The following SNX30 variants were observed in gnomAD, a reference collection of about 807,000 sequenced individuals.
SNX30 encodes the protein sorting nexin family member 30, also known as sorting nexin-30.
In SNX30, 24 loss-of-function variants were observed where a neutral mutation model predicts 46.4. The ratio of observed to expected loss-of-function variants is 0.52; its 90% confidence interval spans 0.37 to 0.73. SNX30 has a LOEUF of 0.73. Ranked by LOEUF, SNX30 falls within the 30% of genes least tolerant of loss-of-function variation. The probability of loss-of-function intolerance (pLI) is 0.00; values close to 1 mark genes in which losing one functional copy is unlikely to be tolerated. For synonymous variants in SNX30, 189 were observed against 211.5 expected (o/e 0.89, Z 0.92); for missense variants, 533 against 555.7 (o/e 0.96, Z 0.41).
chr9:112,883,877 A>G (rs1841613546), downstream of SNX30, among the ~76,000 whole-genome samples: 1 of 151,736 alleles, frequency 6.6e-6, no homozygotes, highest in Non-Finnish European at 1.5e-5. Context: ...TTTGTATTTT[A>G]TTGGAGACAT....
chr9:112,762,252 G>T (rs1839449614), intron 1 of SNX30, among the ~76,000 whole-genome samples: 1 of 152,058 alleles, frequency 6.6e-6, no homozygotes, highest in African/African-American at 2.4e-5. Context: ...GGGGGAAGTG[G>T]GATAGTGGAA....
intron 2 of SNX30, among the ~76,000 whole-genome samples, chr9:112,815,295 C>T (rs1397209872): frequency 1.3e-5 from 2 of 150,924 alleles, no homozygotes; most frequent in East Asian, 1.9e-4. Flanking sequence ...AGAAATATTA[C>T]ATAAACTGTA....
In SNX30 at chr9:112,756,435, C is replaced by CTTT. The variant is rs61338659; in HGVS notation, c.156+5303_156+5305dup. On this transcript the variant is annotated intron_variant, in intron 1 of 8. Transcript: ENST00000374232. ...CTTGACCTCCTTATCTGTAATCATC[C>CTTT]TTTTTTTTTTTTTTTTTTTTTTTTT... is the stretch of plus-strand genomic sequence containing the variant. 2.4e-4 allele frequency among the ~76,000 whole-genome samples: 16 copies of CTTT among 67,428 alleles called. 2 individuals are homozygous for CTTT. Among genetic ancestry groups the CTTT allele is most frequent in the African/African-American group, 1.0e-3 (15 of 14,290 alleles). The allele number at this position is 67,428 out of a possible 152,430, so 44.2% of individuals were successfully genotyped here.
intron 1 of SNX30, among the ~76,000 whole-genome samples, chr9:112,757,126 C>T (rs989932375): frequency 8.5e-5 from 13 of 152,146 alleles, no homozygotes; most frequent in African/African-American, 2.9e-4. Context: ...ATTTTGTATC[C>T]GTTTACCTAC....
At chr9:112,772,255 T>C (rs1355585508) in intron 1 of SNX30, among the ~76,000 whole-genome samples, 2 of 152,138 alleles carry the variant, frequency 1.3e-5, no homozygotes, top group Non-Finnish European at 2.9e-5. Context: ...CAAGTGGAAA[T>C]GGAAGAAGTG....
chr9:112,845,801 A>G (rs892440011), intron 6 of SNX30, among the ~76,000 whole-genome samples: 1 of 152,238 alleles, frequency 6.6e-6, no homozygotes, highest in Non-Finnish European at 1.5e-5. Context: ...CTCTGTGCAG[A>G]GAGCTTTCAA....
chr9:112,759,400 C>T (rs1839403993), intron 1 of SNX30, among the ~76,000 whole-genome samples: 1 of 152,024 alleles, frequency 6.6e-6, no homozygotes, highest in African/African-American at 2.4e-5. Context: ...TGTTAACCTC[C>T]TGCTTGAAAT....
At chr9:112,868,686 G>A (rs978580260) in intron 8 of SNX30, 98 bp from the exon 9 acceptor site, 1 of 1,264,148 alleles carries the variant, frequency 7.9e-7, no homozygotes, top group Non-Finnish European at 1.2e-6. Flanking sequence ...AGGTAACCCA[G>A]CAGGATCGAC....
At chr9:112,854,731 A>T (rs1349000955) in intron 7 of SNX30, among the ~76,000 whole-genome samples, 4 of 152,186 alleles carry the variant, frequency 2.6e-5, no homozygotes, top group Non-Finnish European at 5.9e-5. Flanking sequence ...TGCAGTTGGC[A>T]GCCTGTCCAA....
At chr9:112,835,854 A>G (rs1202029980) in intron 4 of SNX30, among the ~76,000 whole-genome samples, 1 of 151,976 alleles carries the variant, frequency 6.6e-6, no homozygotes, top group Non-Finnish European at 1.5e-5. Flanking sequence ...TCTGCTCTTC[A>G]GTTTTGCTTG....
chr9:112,822,310 C>G (rs968706919), intron 3 of SNX30, among the ~76,000 whole-genome samples: 1 of 152,072 alleles, frequency 6.6e-6, no homozygotes, highest in Non-Finnish European at 1.5e-5. Flanking sequence ...CTGTGTTTTT[C>G]TTCATTATGT....
intron 6 of SNX30, among the ~76,000 whole-genome samples, chr9:112,848,728 C>A (rs998797688): frequency 1.5e-4 from 23 of 152,240 alleles, no homozygotes; most frequent in African/African-American, 5.3e-4. Context: ...GAGACAGAGA[C>A]CCTGCCTCTC....
At chr9:112,864,015 T>C (rs1434757237) in intron 7 of SNX30, among the ~76,000 whole-genome samples, 1 of 152,124 alleles carries the variant, frequency 6.6e-6, no homozygotes, top group Non-Finnish European at 1.5e-5. Flanking sequence ...CGAGTCTCTG[T>C]TGTGTTTGGA....
intron 1 of SNX30, among the ~76,000 whole-genome samples, chr9:112,792,903 T>C (rs1043707976): frequency 2.0e-5 from 3 of 151,860 alleles, no homozygotes; most frequent in Non-Finnish European, 2.9e-5. Context: ...CTTTTTCTTT[T>C]AATGGGAACA....
At chr9:112,764,367 T>TGTC (rs1446697325) in intron 1 of SNX30, among the ~76,000 whole-genome samples, 3 of 152,166 alleles carry the variant, frequency 2.0e-5, no homozygotes, top group African/African-American at 4.8e-5. Flanking sequence ...ATTAAGTGTT[T>TGTC]GTCGTCGTTG....
chr9:112,849,703 T>C (rs1244546841), intron 6 of SNX30, among the ~76,000 whole-genome samples: 3 of 152,208 alleles, frequency 2.0e-5, no homozygotes, highest in Non-Finnish European at 4.4e-5. Context: ...CCCACAACAC[T>C]CTCAACTCTT....
chr9:112,835,428 C>G (rs2131454162), intron 4 of SNX30, among the ~76,000 whole-genome samples: 1 of 151,934 alleles, frequency 6.6e-6, no homozygotes, highest in African/African-American at 2.4e-5. Context: ...GCCTCAGCCT[C>G]CTGAGTAGCT....
chr9:112,787,277 G>A (rs1221436635), intron 1 of SNX30, among the ~76,000 whole-genome samples: 1 of 152,206 alleles, frequency 6.6e-6, no homozygotes, highest in African/African-American at 2.4e-5. Context: ...TGTACAGGGA[G>A]AACCTGTTCT....
intron 2 of SNX30, among the ~76,000 whole-genome samples, chr9:112,807,434 A>G (rs1840246840): frequency 6.6e-6 from 1 of 152,170 alleles, no homozygotes; most frequent in Admixed American, 6.5e-5. Flanking sequence ...GTGCACATGC[A>G]TAGTCTTACC....
Sources: gnomAD v4.1 joint callset for allele counts (sites outside exome capture counted in the v4.1 genomes callset) on GRCh38, gnomAD v4.1.1 for gene constraint, MANE v1.5 for transcripts, NCBI Gene and HGNC (gene_info 2026-07-23, HGNC 2026-07-21) for gene names.